The following MLLT10 variants were observed in gnomAD, a reference collection of about 807,000 sequenced individuals.
MLLT10 encodes MLLT10 histone lysine methyltransferase DOT1L cofactor.
MLLT10 carries 30 observed loss-of-function variants against 129.1 expected under a neutral mutation model. That is an observed-to-expected ratio of 0.23 (90% CI 0.17 to 0.32). MLLT10 has a LOEUF of 0.32. Ranked by LOEUF, MLLT10 falls within the 10% of genes least tolerant of loss-of-function variation. MLLT10 has a pLI of 1.00. For synonymous variants in MLLT10, 490 were observed against 446.4 expected (o/e 1.10, Z -1.23); for missense variants, 1,119 against 1,268.3 (o/e 0.88, Z 1.79).
intron 5 of MLLT10, among the ~76,000 whole-genome samples, chr10:21,600,516 T>G (rs1713221735): frequency 6.6e-6 from 1 of 152,178 alleles, no homozygotes; most frequent in Non-Finnish European, 1.5e-5. Flanking sequence ...GTCTACAAAT[T>G]GTTCACTGGC....
rs2048025417 is a variant in MLLT10 at position 21,641,743 on chromosome 10, T to A, written c.700-9930T>A. 2.0e-5 allele frequency among the ~76,000 whole-genome samples: 3 copies of A among 152,334 alleles called. No homozygotes were observed. In the South Asian group the frequency reaches 6.2e-4, roughly 32 times the overall value. ...GAAATTACAAAAGCAAACAAGACGT[T>A]GAAGAGGTAAGACTGTCTTTCTAGT... On this transcript the variant is annotated intron_variant, in intron 8 of 22. Coordinates refer to ENST00000307729, the MANE Select transcript of MLLT10 (RefSeq NM_001195626.3).
At chr10:21,695,108 G>T (rs985652418) in intron 13 of MLLT10, among the ~76,000 whole-genome samples, 1 of 126,534 alleles carries the variant, frequency 7.9e-6, no homozygotes, top group Admixed American at 1.0e-4. Context: ...TTCCTCTGTC[G>T]TCCAAGGCTG....
chr10:21,713,757 T>C lies in MLLT10; in HGVS notation c.1700-15T>C. The C allele has an allele frequency of 6.2e-7, 1 of 1,600,082 alleles. No individual in the cohort carries two copies. The highest frequency in any genetic ancestry group is 8.5e-7 in the Non-Finnish European group (1 of 1,171,992). On this transcript the variant is annotated splice_polypyrimidine_tract_variant and intron_variant, in intron 13 of 22. Coordinates refer to ENST00000307729, the MANE Select transcript of MLLT10 (RefSeq NM_001195626.3). ...ACTGCTAAGTTATATTTAAATAACATTTGTTTTTTTGCAGGTATTTATAAC... is the reference window on the plus strand; with the variant it reads ...ACTGCTAAGTTATATTTAAATAACACTTGTTTTTTTGCAGGTATTTATAAC...
chr10:21,706,032 G>T (rs2055458862), intron 13 of MLLT10, among the ~76,000 whole-genome samples: 1 of 152,168 alleles, frequency 6.6e-6, no homozygotes. Context: ...AGGCTGCCTT[G>T]CTTCCCTTTC....
chr10:21,729,711 A>G (rs1219880819), intron 16 of MLLT10, among the ~76,000 whole-genome samples: 1 of 152,160 alleles, frequency 6.6e-6, no homozygotes, highest in African/African-American at 2.4e-5. Flanking sequence ...TGGAGCCAAT[A>G]AACCAGGTTT....
chr10:21,641,029 T>G (rs780703072), intron 8 of MLLT10, among the ~76,000 whole-genome samples: 10 of 152,222 alleles, frequency 6.6e-5, no homozygotes, highest in Non-Finnish European at 1.3e-4. Flanking sequence ...TTGGGGCTAT[T>G]AAGGACCAGG....
At chr10:21,587,833 T>G (rs995285768) in intron 4 of MLLT10, among the ~76,000 whole-genome samples, 3 of 152,188 alleles carry the variant, frequency 2.0e-5, no homozygotes, top group African/African-American at 7.2e-5. Context: ...TGTTGAAAAC[T>G]CTTCCTGTTA....
intron 3 of MLLT10, among the ~76,000 whole-genome samples, chr10:21,565,946 T>A (rs1024335204): frequency 9.5e-6 from 1 of 105,770 alleles, no homozygotes; most frequent in Non-Finnish European, 1.9e-5. Flanking sequence ...AATCTTTGGC[T>A]TTTTTTTTTT....
chr10:21,551,158 C>T (rs1434398518), intron 3 of MLLT10, among the ~76,000 whole-genome samples: 1 of 151,906 alleles, frequency 6.6e-6, no homozygotes, highest in East Asian at 1.9e-4. Flanking sequence ...AGCTCCTGAC[C>T]TCATGATCCG....
At chr10:21,580,411 T>C (rs1429984351) in intron 3 of MLLT10, among the ~76,000 whole-genome samples, 4 of 147,756 alleles carry the variant, frequency 2.7e-5, no homozygotes, top group Middle Eastern at 7.4e-3. Context: ...TTTTTCGAGA[T>C]GGAGTCTTGC....
chr10:21,577,844 A>T (rs1315222782), intron 3 of MLLT10, among the ~76,000 whole-genome samples: 2 of 152,024 alleles, frequency 1.3e-5, no homozygotes, highest in African/African-American at 4.8e-5. Flanking sequence ...TAGCTATCCT[A>T]CAGGGCATGA....
At chr10:21,625,124 ACCTCTAATCGGAAGCGGCATGCGAGGAG>A (rs2131245639) in intron 8 of MLLT10, 1 of 998,288 alleles carries the variant, frequency 1.0e-6, no homozygotes, top group East Asian at 2.4e-5. Context: ...CTCTCCCCCA[ACCTCTAATCGGAAGCGGCATGCGAGGAG>A]GAGGGTGTAG....
rs770234454 is a variant in MLLT10, at chr10:21,538,785, C to T, written c.161-48C>T. ...GCTTTGAAAGGGTATTTGATTTTTC[C>T]ATAGTTCTTCGAATCTTAACATTTT... On this transcript the variant is annotated intron_variant, in intron 2 of 22. Coordinates refer to ENST00000307729, the MANE Select transcript of MLLT10 (RefSeq NM_001195626.3). 6 of 1,415,000 alleles carry T rather than the reference C, an allele frequency of 4.2e-6. No individual in the cohort carries two copies. In the Admixed American group the frequency reaches 5.2e-5, roughly 12 times the overall value. 87.7% of individuals were successfully genotyped at this position (1,415,000 alleles called of 1,614,324 possible). A position where few individuals can be genotyped will look rare whatever the true frequency, so the allele number is the denominator to read the frequency against.
Position 21,740,083 on chromosome 10 carries a change from C to A in MLLT10, c.3009C>A (p.His1003Gln). Residue 1003 changes from histidine (H) to glutamine (Q), a missense_variant, in exon 22 of 23, where the codon CAC becomes CAA. Physicochemically the swap from His to Gln is conservative, Grantham distance 24. This residue lies in a region of MLLT10 where 1,004 missense variants were observed against 1,008.7 expected (regional missense o/e 1.00). Coordinates refer to ENST00000307729, the MANE Select transcript of MLLT10 (RefSeq NM_001195626.3). ...YQLMQHHHQQ[H>Q]HQPELQQLQI... ...TAATGCAACATCACCACCAGCAGCA[C>A]CACCAACCTGAACTTCAGCAGCTGC... 6.2e-7 allele frequency: 1 copy of A among 1,614,022 alleles called. No homozygotes were observed. The highest frequency in any genetic ancestry group is 8.5e-7 in the Non-Finnish European group (1 of 1,179,974).
At chr10:21,732,362 T>C (rs1411408209) in intron 17 of MLLT10, among the ~76,000 whole-genome samples, 1 of 152,112 alleles carries the variant, frequency 6.6e-6, no homozygotes, top group Non-Finnish European at 1.5e-5. Context: ...CACATAGCGC[T>C]CCCTGCTGGG....
intron 3 of MLLT10, among the ~76,000 whole-genome samples, chr10:21,563,482 C>T (rs989808447): frequency 2.0e-5 from 3 of 151,966 alleles, no homozygotes; most frequent in African/African-American, 4.8e-5. Flanking sequence ...GAGATTGTGC[C>T]GCTGTACTCC....
chr10:21,650,434 C>T (rs573902630), intron 8 of MLLT10, among the ~76,000 whole-genome samples: 1 of 152,076 alleles, frequency 6.6e-6, no homozygotes, highest in African/African-American at 2.4e-5. Flanking sequence ...AAATATCTTA[C>T]GTACTTAGAT....
chr10:21,704,704 T>C (rs1410127900), intron 13 of MLLT10, among the ~76,000 whole-genome samples: 1 of 152,000 alleles, frequency 6.6e-6, no homozygotes, highest in Non-Finnish European at 1.5e-5. Flanking sequence ...TTTTTGAATT[T>C]GCTTTCATAG....
At chr10:21,601,094 C>T (rs1297949878) in intron 5 of MLLT10, among the ~76,000 whole-genome samples, 1 of 152,082 alleles carries the variant, frequency 6.6e-6, no homozygotes, top group Non-Finnish European at 1.5e-5. Context: ...CAGGCATGCA[C>T]CATCATGTCT....
Sources: allele counts gnomAD v4.1 joint callset (sites outside exome capture counted in the v4.1 genomes callset), GRCh38; gene constraint gnomAD v4.1.1; regional missense constraint gnomAD v4.1.1; transcripts MANE v1.5; gene names NCBI Gene and HGNC (gene_info 2026-07-23, HGNC 2026-07-21).